Variants in ADGRE3 observed in about 807,000 individuals in gnomAD.
ADGRE3 encodes adhesion G protein-coupled receptor E3.
Under a neutral mutation model 80.1 loss-of-function variants are expected in ADGRE3, and 88 were observed. The ratio of observed to expected loss-of-function variants is 1.10; its 90% CI spans 0.93 to 1.31. ADGRE3 has a LOEUF of 1.31. ADGRE3 is among the 40% of genes most tolerant of loss of function. The pLI, the probability that ADGRE3 is intolerant of heterozygous loss-of-function variation, is 0.00. For synonymous variants in ADGRE3, 281 were observed against 294.8 expected, an observed-to-expected ratio of 0.95 and a Z score of 0.48; for missense variants, 715 against 776.5, an observed-to-expected ratio of 0.92 and a Z score of 0.94.
chr19:14,653,760 C>A (rs1010577103), intron 6 of ADGRE3, among the ~76,000 whole-genome samples: 1 of 151,732 alleles, frequency 6.6e-6, no homozygotes, highest in African/African-American at 2.4e-5. Context: ...ATTTTATTGA[C>A]AGGAGAATGA....
chr19:14,656,228 C>A (rs2146880180), intron 5 of ADGRE3, among the ~76,000 whole-genome samples: 1 of 151,490 alleles, frequency 6.6e-6, no homozygotes, highest in Non-Finnish European at 1.5e-5. Context: ...GCCTGTAATC[C>A]CAGCTAGTTG....
intron 14 of ADGRE3, among the ~76,000 whole-genome samples, chr19:14,627,704 A>T (rs13339747): frequency 0.4 from 60,299 of 151,948 alleles, 12,446 homozygotes; most frequent in Non-Finnish European, 0.47. Context: ...GACAGCGTGC[A>T]GTCCAGATTA....
At chr19:14,650,170 A>C (rs1293908522) in intron 7 of ADGRE3, among the ~76,000 whole-genome samples, 46 of 92,578 alleles carry the variant, frequency 5.0e-4, no homozygotes, top group East Asian at 1.3e-3. Flanking sequence ...CTCTCTTCCT[A>C]TCTCTCTCCC....
intron 2 of ADGRE3, among the ~76,000 whole-genome samples, chr19:14,668,287 T>C (rs1343874368): frequency 6.6e-6 from 1 of 151,880 alleles, no homozygotes; most frequent in Non-Finnish European, 1.5e-5. Flanking sequence ...GACTCTCAGG[T>C]TCCACCCTAG....
At chr19:14,668,943 T>C in intron 1 of ADGRE3, 91 bp from the exon 2 acceptor site, 1 of 1,255,214 alleles carries the variant, frequency 8.0e-7, no homozygotes, top group Non-Finnish European at 1.1e-6. Flanking sequence ...CAGTTATCTA[T>C]CACTGTGTAA....
At chr19:14,609,871 A>C in the ADGRE3 span, among the ~76,000 whole-genome samples, 1 of 149,850 alleles carries the variant, frequency 6.7e-6, no homozygotes. Context: ...AAAACCCCCC[A>C]AAACCAGAAA....
At chr19:14,618,181 C>T (rs567434997), downstream of ADGRE3, among the ~76,000 whole-genome samples, 2 of 152,002 alleles carry the variant, frequency 1.3e-5, no homozygotes, top group African/African-American at 2.4e-5. Flanking sequence ...ATATCTACAT[C>T]GTGGAATGAC....
intron 8 of ADGRE3, 30 bp downstream of exon 8, chr19:14,647,151 C>G (rs779223895): frequency 6.3e-7 from 1 of 1,599,314 alleles, no homozygotes; most frequent in East Asian, 2.2e-5. Flanking sequence ...CCTTGAGAAC[C>G]CACAAGCTCA....
intron 14 of ADGRE3, among the ~76,000 whole-genome samples, 182 bp downstream of exon 14, chr19:14,629,857 T>A (rs1315802983): frequency 6.6e-6 from 1 of 152,174 alleles, no homozygotes. Flanking sequence ...CTGAAATGTG[T>A]TAATAAATGA....
intron 10 of ADGRE3, among the ~76,000 whole-genome samples, chr19:14,639,651 A>C (rs1049944315): frequency 9.2e-5 from 14 of 152,132 alleles, no homozygotes; most frequent in African/African-American, 3.1e-4. Flanking sequence ...CCTGGCCTCA[A>C]GTGATCTTTC....
intron 15 of ADGRE3, among the ~76,000 whole-genome samples, chr19:14,620,431 T>C (rs1405335628): frequency 7.1e-6 from 1 of 140,884 alleles, no homozygotes; most frequent in African/African-American, 2.7e-5. Context: ...TATATATGAA[T>C]ATATATGTAT....
the ADGRE3 span, among the ~76,000 whole-genome samples, chr19:14,604,295 A>T: frequency 5.0e-3 from 763 of 152,022 alleles, 6 homozygotes; most frequent in African/African-American, 0.017. Context: ...GAGATACCAG[A>T]TTCTTCTCTC....
chr19:14,673,656 C>G (rs1457049004), intron 1 of ADGRE3, among the ~76,000 whole-genome samples: 3 of 152,104 alleles, frequency 2.0e-5, no homozygotes, highest in African/African-American at 7.2e-5. Context: ...TGAGGATACC[C>G]CATGAGCATA....
chr19:14,612,814 C>A, the ADGRE3 span, among the ~76,000 whole-genome samples: 1 of 152,154 alleles, frequency 6.6e-6, no homozygotes, highest in African/African-American at 2.4e-5. Flanking sequence ...CCAAAAAATA[C>A]CAATTAGAGG....
intron 5 of ADGRE3, among the ~76,000 whole-genome samples, chr19:14,658,044 C>A (rs1339938004): frequency 2.6e-5 from 4 of 152,038 alleles, no homozygotes; most frequent in Non-Finnish European, 5.9e-5. Flanking sequence ...GGATTACAGG[C>A]GTGAGCCACC....
chr19:14,607,454 T>C, the ADGRE3 span, among the ~76,000 whole-genome samples: 4,276 of 151,866 alleles, frequency 0.028, 106 homozygotes, highest in African/African-American at 0.06. Context: ...CTGCCCGCCT[T>C]GGCCTCCCAA....
intron 1 of ADGRE3, among the ~76,000 whole-genome samples, chr19:14,672,723 C>T (rs1391962924): frequency 6.6e-6 from 1 of 152,166 alleles, no homozygotes; most frequent in East Asian, 1.9e-4. Context: ...GATCCTCCCA[C>T]CTCAGCCTCC....
chr19:14,639,389 G>T (rs1422823245), intron 10 of ADGRE3, among the ~76,000 whole-genome samples: 1 of 151,334 alleles, frequency 6.6e-6, no homozygotes, highest in African/African-American at 2.4e-5. Context: ...TAGCATAAGA[G>T]ATTATTATTA....
chr19:14,620,571 T>TATATA (rs1970574512), intron 15 of ADGRE3, among the ~76,000 whole-genome samples: 1 of 13,484 alleles, frequency 7.4e-5, no homozygotes, highest in Non-Finnish European at 1.5e-4. Context: ...TATATATATT[T>TATATA]TTTTTTTTTT....
Sources: gnomAD v4.1 joint callset for allele counts (sites outside exome capture counted in the v4.1 genomes callset) on GRCh38, gnomAD v4.1.1 for gene constraint, MANE v1.5 for transcripts, NCBI Gene and HGNC (gene_info 2026-07-23, HGNC 2026-07-21) for gene names.